NTM: variants seen among roughly 807,000 people sequenced by gnomAD.
NTM encodes IgLON family member 2.
A neutral mutation model predicts 42.1 loss-of-function variants in NTM; 13 were observed. The ratio of observed to expected loss-of-function variants is 0.31; its 90% confidence interval spans 0.20 to 0.49. The LOEUF (loss-of-function observed/expected upper bound fraction) is 0.49. Ranked by LOEUF, NTM falls within the 20% of genes least tolerant of loss-of-function variation. The pLI, the probability that NTM is intolerant of heterozygous loss-of-function variation, is 0.99. For synonymous variants in NTM, 187 were observed against 179.2 expected (o/e 1.04, Z -0.35); for missense variants, 373 against 452.8 (o/e 0.82, Z 1.60).
At chr11:131,682,271 C>T (rs1420437865) in intron 1 of NTM, among the ~76,000 whole-genome samples, 2 of 152,180 alleles carry the variant, frequency 1.3e-5, no homozygotes, top group African/African-American at 4.8e-5. Context: ...TGGTTTCCTT[C>T]CTGGAAAATG....
intron 4 of NTM, among the ~76,000 whole-genome samples, chr11:132,296,380 C>T (rs1319531813): frequency 6.6e-6 from 1 of 152,076 alleles, no homozygotes; most frequent in Non-Finnish European, 1.5e-5. Context: ...ATTGAATGTC[C>T]CAAACTTTTC....
chr11:131,867,918 T>C (rs185530090), intron 1 of NTM, among the ~76,000 whole-genome samples: 3 of 152,190 alleles, frequency 2.0e-5, no homozygotes, highest in African/African-American at 7.2e-5. Context: ...CTGTTTTGGT[T>C]TGCTGGAGAC....
chr11:132,167,189 C>T (rs2075408522), intron 3 of NTM, among the ~76,000 whole-genome samples: 1 of 151,816 alleles, frequency 6.6e-6, no homozygotes, highest in Non-Finnish European at 1.5e-5. Flanking sequence ...TGACATTGTT[C>T]TTTATTTTTT....
At chr11:131,962,755 C>A (rs2062362759) in intron 2 of NTM, among the ~76,000 whole-genome samples, 1 of 152,180 alleles carries the variant, frequency 6.6e-6, no homozygotes, top group Non-Finnish European at 1.5e-5. Context: ...GGCTCAGCAG[C>A]TGCAGCCTTC....
chr11:132,022,087 G>A (rs1186442727), intron 2 of NTM, among the ~76,000 whole-genome samples: 1 of 152,172 alleles, frequency 6.6e-6, no homozygotes, highest in Non-Finnish European at 1.5e-5. Flanking sequence ...CAAAGTAAGT[G>A]AGCCTCTGAA....
chr11:132,093,961 C>T (rs1489877529), intron 2 of NTM, among the ~76,000 whole-genome samples: 22 of 152,098 alleles, frequency 1.4e-4, no homozygotes, highest in African/African-American at 2.4e-4. Flanking sequence ...AAGACTCCAG[C>T]GCAGCTACGT....
At chr11:131,835,255 G>A (rs2043341629) in intron 1 of NTM, among the ~76,000 whole-genome samples, 1 of 152,122 alleles carries the variant, frequency 6.6e-6, no homozygotes, top group South Asian at 2.1e-4. Context: ...TGTTGTATGT[G>A]TACCCTGGAG....
chr11:131,809,028 G>C (rs1021766391), intron 1 of NTM, among the ~76,000 whole-genome samples: 2 of 152,190 alleles, frequency 1.3e-5, no homozygotes, highest in African/African-American at 2.4e-5. Flanking sequence ...GAAAATAAAG[G>C]AATAAGTGGA....
At chr11:131,757,242 G>C (rs780655451) in intron 1 of NTM, among the ~76,000 whole-genome samples, 2 of 152,154 alleles carry the variant, frequency 1.3e-5, no homozygotes, top group African/African-American at 4.8e-5. Context: ...TTCTTTCTTT[G>C]GTTCTTCAGT....
At chr11:131,839,790 A>C (rs2043992243) in intron 1 of NTM, among the ~76,000 whole-genome samples, 1 of 152,266 alleles carries the variant, frequency 6.6e-6, no homozygotes, top group Non-Finnish European at 1.5e-5. Flanking sequence ...AAACTGTTGT[A>C]TGAAAATGAT....
chr11:131,379,799 C>G (rs11222593), intron 1 of NTM, among the ~76,000 whole-genome samples: 4,082 of 152,226 alleles, frequency 0.027, 78 homozygotes, highest in Non-Finnish European at 0.036. Flanking sequence ...AGGTTTGCCT[C>G]CTATTTTCTA....
At chr11:131,819,130 C>G (rs567031234) in intron 1 of NTM, among the ~76,000 whole-genome samples, 2 of 152,206 alleles carry the variant, frequency 1.3e-5, no homozygotes, top group Non-Finnish European at 2.9e-5. Context: ...GTTGCTCTGT[C>G]TACTCTGAAG....
intron 4 of NTM, among the ~76,000 whole-genome samples, chr11:132,304,750 T>C (rs903588243): frequency 3.9e-5 from 6 of 152,218 alleles, no homozygotes; most frequent in Admixed American, 3.3e-4. Flanking sequence ...CATATTACTA[T>C]GTACAAGTCA....
At chr11:132,096,571 C>T (rs955155854) in intron 2 of NTM, among the ~76,000 whole-genome samples, 1 of 152,174 alleles carries the variant, frequency 6.6e-6, no homozygotes, top group Admixed American at 6.5e-5. Context: ...TGTAACTCCC[C>T]CCGCCCTCTA....
intron 4 of NTM, among the ~76,000 whole-genome samples, chr11:132,222,578 T>C (rs2138879655): frequency 6.6e-6 from 1 of 152,248 alleles, no homozygotes; most frequent in East Asian, 1.9e-4. Flanking sequence ...GAGCAGAGCA[T>C]CATTTCAGTT....
chr11:131,806,806 C>G (rs764830053), intron 1 of NTM, among the ~76,000 whole-genome samples: 1 of 152,184 alleles, frequency 6.6e-6, no homozygotes, highest in Admixed American at 6.5e-5. Context: ...TCTTATTAGG[C>G]TCCAGGCACA....
intron 4 of NTM, among the ~76,000 whole-genome samples, chr11:132,271,384 T>C (rs1207312570): frequency 8.4e-6 from 1 of 118,694 alleles, no homozygotes; most frequent in African/African-American, 2.8e-5. Flanking sequence ...TGTGTAGACA[T>C]ATATTTTCTT....
At chr11:131,957,359 C>G (rs2061661879) in intron 2 of NTM, among the ~76,000 whole-genome samples, 1 of 152,184 alleles carries the variant, frequency 6.6e-6, no homozygotes, top group African/African-American at 2.4e-5. Context: ...AGTAATGCAA[C>G]TTGGCCCAGT....
intron 1 of NTM, among the ~76,000 whole-genome samples, chr11:131,709,469 A>G (rs1041418620): frequency 6.6e-6 from 1 of 152,256 alleles, no homozygotes; most frequent in Non-Finnish European, 1.5e-5. Flanking sequence ...TTGAATGCAA[A>G]GGCAACAAGA....
Sources: gnomAD v4.1 joint callset for allele counts (sites outside exome capture counted in the v4.1 genomes callset) on GRCh38, gnomAD v4.1.1 for gene constraint, MANE v1.5 for transcripts, NCBI Gene and HGNC (gene_info 2026-07-23, HGNC 2026-07-21) for gene names.